TMEM132D: variants seen among roughly 807,000 people sequenced by gnomAD.
The protein encoded by TMEM132D is mature OL transmembrane protein.
Under a neutral mutation model 62.3 loss-of-function variants are expected in TMEM132D, and 21 were observed. The observed-to-expected ratio is 0.34, with a 90% CI of 0.24 to 0.49. TMEM132D has a LOEUF of 0.49. Among genes scored for constraint, TMEM132D ranks in the 20% least tolerant of loss-of-function variants. The pLI is 0.99. For missense variants in TMEM132D, 1,346 were observed against 1,402.8 expected (o/e 0.96, Z 0.65); for synonymous variants, 621 against 575.6 (o/e 1.08, Z -1.13).
chr12:129,284,196 C>T (rs947526506), intron 4 of TMEM132D, among the ~76,000 whole-genome samples: 1 of 152,114 alleles, frequency 6.6e-6, no homozygotes, highest in Non-Finnish European at 1.5e-5. Flanking sequence ...GAAACAGGTG[C>T]AGCCTTGGCT....
chr12:129,232,826 A>G (rs935410633), intron 4 of TMEM132D, among the ~76,000 whole-genome samples: 2 of 150,852 alleles, frequency 1.3e-5, no homozygotes, highest in African/African-American at 4.9e-5. Context: ...AGAGAGAGAG[A>G]TAAAGAGAGA....
At chr12:129,701,304 A>G (rs541440925) in intron 1 of TMEM132D, among the ~76,000 whole-genome samples, 5 of 152,352 alleles carry the variant, frequency 3.3e-5, no homozygotes, top group African/African-American at 9.6e-5. Context: ...TCACATGGAC[A>G]GTGGACACCC....
chr12:129,563,515 A>C (rs1486104489), intron 2 of TMEM132D, among the ~76,000 whole-genome samples: 1 of 152,216 alleles, frequency 6.6e-6, no homozygotes, highest in African/African-American at 2.4e-5. Flanking sequence ...CAATGTAATC[A>C]GGCACTGTGG....
intron 1 of TMEM132D, among the ~76,000 whole-genome samples, chr12:129,899,975 A>G (rs187318434): frequency 6.4e-4 from 97 of 152,264 alleles, no homozygotes; most frequent in African/African-American, 2.2e-3. Context: ...TTTTTGGTCC[A>G]CAGCTTCCTT....
At chr12:129,760,885 C>T (rs1870352836) in intron 1 of TMEM132D, among the ~76,000 whole-genome samples, 1 of 152,028 alleles carries the variant, frequency 6.6e-6, no homozygotes, top group South Asian at 2.1e-4. Flanking sequence ...TTGTTCAACT[C>T]CCACTTATGG....
chr12:129,790,629 G>T (rs984470342), intron 1 of TMEM132D, among the ~76,000 whole-genome samples: 3 of 152,120 alleles, frequency 2.0e-5, no homozygotes, highest in African/African-American at 7.2e-5. Flanking sequence ...AGGATGGGGG[G>T]GCAGGGCAGG....
At chr12:129,316,092 C>A (rs1868480960) in intron 4 of TMEM132D, among the ~76,000 whole-genome samples, 1 of 152,198 alleles carries the variant, frequency 6.6e-6, no homozygotes, top group Middle Eastern at 3.4e-3. Flanking sequence ...AAAGAACCAG[C>A]TTTTTGTTTC....
intron 3 of TMEM132D, among the ~76,000 whole-genome samples, chr12:129,374,756 AC>A (rs984904154): frequency 6.6e-6 from 1 of 152,146 alleles, no homozygotes; most frequent in African/African-American, 2.4e-5. Context: ...AGCTTGCCTT[AC>A]TCAACGTATA....
intron 1 of TMEM132D, among the ~76,000 whole-genome samples, chr12:129,776,247 ACC>A (rs1681861762): frequency 6.6e-6 from 1 of 152,138 alleles, no homozygotes. Context: ...ACGGACGTGA[ACC>A]CCAAAAAGCA....
intron 1 of TMEM132D, among the ~76,000 whole-genome samples, chr12:129,789,550 A>G (rs926503563): frequency 6.6e-6 from 1 of 152,276 alleles, no homozygotes; most frequent in Non-Finnish European, 1.5e-5. Context: ...CTACTCAGCT[A>G]TAAATGAAGG....
At chr12:129,091,900 C>CA (rs2135628496) in intron 5 of TMEM132D, among the ~76,000 whole-genome samples, 1 of 152,344 alleles carries the variant, frequency 6.6e-6, no homozygotes, top group African/African-American at 2.4e-5. Flanking sequence ...TAGCTCTGTT[C>CA]ATTGCATTAG....
intron 3 of TMEM132D, among the ~76,000 whole-genome samples, chr12:129,350,356 A>C (rs1869824874): frequency 6.6e-6 from 1 of 152,170 alleles, no homozygotes; most frequent in Non-Finnish European, 1.5e-5. Context: ...GGAACCTATC[A>C]AGTTTTCCAT....
At chr12:129,735,627 A>C (rs143863871) in intron 1 of TMEM132D, among the ~76,000 whole-genome samples, 1 of 152,342 alleles carries the variant, frequency 6.6e-6, no homozygotes, top group African/African-American at 2.4e-5. Context: ...AAACTCTTTA[A>C]AAATAACGTA....
chr12:129,123,907 G>T (rs1380739976), intron 5 of TMEM132D, among the ~76,000 whole-genome samples: 6 of 152,104 alleles, frequency 3.9e-5, no homozygotes, highest in Admixed American at 2.6e-4. Flanking sequence ...CAGCTTCCCT[G>T]TTCTTGGGCC....
At chr12:129,245,445 T>TTTC (rs1451066482) in intron 4 of TMEM132D, among the ~76,000 whole-genome samples, 1 of 152,244 alleles carries the variant, frequency 6.6e-6, no homozygotes, top group East Asian at 1.9e-4. Flanking sequence ...CCACAGTTTA[T>TTTC]TTCTTCATCC....
intron 4 of TMEM132D, among the ~76,000 whole-genome samples, chr12:129,309,503 G>C (rs928311097): frequency 6.6e-6 from 1 of 152,090 alleles, no homozygotes; most frequent in Non-Finnish European, 1.5e-5. Flanking sequence ...TAGGAATAAA[G>C]GTATTGTAGG....
chr12:129,847,563 G>A (rs1407143517), intron 1 of TMEM132D, among the ~76,000 whole-genome samples: 1 of 152,158 alleles, frequency 6.6e-6, no homozygotes, highest in Non-Finnish European at 1.5e-5. Flanking sequence ...AGAGGCATCA[G>A]CTCAAAAGGC....
At chr12:129,327,127 CTG>C (rs1035583199) in intron 4 of TMEM132D, among the ~76,000 whole-genome samples, 5 of 152,090 alleles carry the variant, frequency 3.3e-5, no homozygotes, top group Non-Finnish European at 5.9e-5. Context: ...CATCGACAAA[CTG>C]TGTTTATTAG....
At chr12:129,280,027 A>T (rs1881100505) in intron 4 of TMEM132D, among the ~76,000 whole-genome samples, 1 of 152,238 alleles carries the variant, frequency 6.6e-6, no homozygotes, top group African/African-American at 2.4e-5. Context: ...CCTCAAGACA[A>T]TGTTAATTAC....
Sources: allele counts gnomAD v4.1 joint callset (sites outside exome capture counted in the v4.1 genomes callset), GRCh38; gene constraint gnomAD v4.1.1; transcripts MANE v1.5; gene names NCBI Gene and HGNC (gene_info 2026-07-23, HGNC 2026-07-21).